The following MALRD1 variants were observed in gnomAD, a reference collection of about 807,000 sequenced individuals.
MALRD1 encodes the protein MAM and LDL-receptor class A domain-containing protein 1.
MALRD1 carries 247 observed loss-of-function variants against 242.1 expected under a neutral mutation model. The ratio of observed to expected loss-of-function variants is 1.02; its 90% confidence interval spans 0.92 to 1.13. The LOEUF is 1.13. Among genes scored for constraint, MALRD1 ranks in the 50% most tolerant of loss-of-function variants. MALRD1 has a pLI of 0.00. For synonymous variants in MALRD1, 995 were observed against 866.6 expected, an observed-to-expected ratio of 1.15 and a Z score of -2.60; for missense variants, 2,989 against 2,533.1, an observed-to-expected ratio of 1.18 and a Z score of -3.86.
intron 29 of MALRD1, among the ~76,000 whole-genome samples, chr10:19,453,094 A>T (rs1307661065): frequency 1.3e-5 from 2 of 152,230 alleles, no homozygotes; most frequent in African/African-American, 2.4e-5. Context: ...TATTATTAAC[A>T]TGCCATATTC....
chr10:19,632,220 G>C (rs535873925), intron 36 of MALRD1, among the ~76,000 whole-genome samples: 1 of 152,310 alleles, frequency 6.6e-6, no homozygotes, highest in African/African-American at 2.4e-5. Flanking sequence ...GAGCTTCAAA[G>C]AAAAATCTGT....
chr10:19,175,383 A>G (rs1010202192), intron 14 of MALRD1, 55 bp downstream of exon 14: 14 of 1,200,284 alleles, frequency 1.2e-5, no homozygotes, highest in Non-Finnish European at 1.3e-5. Context: ...AGCTCTTCTC[A>G]GTATCAAAAT....
intron 5 of MALRD1, among the ~76,000 whole-genome samples, chr10:19,105,374 A>G (rs1836428043): frequency 6.6e-6 from 1 of 152,014 alleles, no homozygotes; most frequent in South Asian, 2.1e-4. Flanking sequence ...AAAGAATCCT[A>G]TTGCATGTAT....
At chr10:19,634,234 A>T (rs1227680719) in intron 36 of MALRD1, among the ~76,000 whole-genome samples, 1 of 152,174 alleles carries the variant, frequency 6.6e-6, no homozygotes, top group Non-Finnish European at 1.5e-5. Context: ...CTGCTTTCCC[A>T]GACTCCAATG....
chr10:19,617,663 A>C (rs890834121), intron 36 of MALRD1, among the ~76,000 whole-genome samples: 6 of 152,004 alleles, frequency 3.9e-5, no homozygotes, highest in Non-Finnish European at 8.8e-5. Context: ...CCTACACTGT[A>C]GTAGTAAGGT....
chr10:19,438,605 C>T (rs2104910), intron 28 of MALRD1, among the ~76,000 whole-genome samples: 2 of 152,004 alleles, frequency 1.3e-5, no homozygotes, highest in East Asian at 1.9e-4. Context: ...CTGTACCATT[C>T]TACATTCTTA....
chr10:19,140,803 G>A (rs746480243), intron 10 of MALRD1, among the ~76,000 whole-genome samples: 9 of 152,060 alleles, frequency 5.9e-5, no homozygotes, highest in Non-Finnish European at 1.2e-4. Flanking sequence ...GCCGAAATGG[G>A]GAGGTATTGG....
rs532068703 is a variant in MALRD1 at position 19,175,226 on chromosome 10, G to C, written c.1849G>C (p.Val617Leu). Residue 617 changes from valine (V) to leucine (L), a missense_variant, in exon 14 of 40, where the codon GTT becomes CTT. Val to Leu is a conservative substitution (Grantham distance 32, BLOSUM62 1). Transcript: ENST00000454679. ...LPFQLILEAT[V>L]LSSNATVALD... ...ATTATAGTTAATTTTGGAAGCTACTGTTTTGTCGTCAAATGCTACCGTTGC... is the reference window on the plus strand; with the variant it reads ...ATTATAGTTAATTTTGGAAGCTACTCTTTTGTCGTCAAATGCTACCGTTGC... 5.7e-6 allele frequency: 7 copies of C among 1,229,770 alleles called. No homozygotes were observed. In the African/African-American group the frequency reaches 9.3e-5, roughly 16 times the overall value. 76.2% of individuals were successfully genotyped at this position (1,229,770 alleles called of 1,614,324 possible).
chr10:19,670,204 A>T (rs1841858163), intron 36 of MALRD1, among the ~76,000 whole-genome samples: 1 of 152,072 alleles, frequency 6.6e-6, no homozygotes, highest in South Asian at 2.1e-4. Context: ...AATTACTCCA[A>T]ATGTATGCTT....
At chr10:19,426,873 TA>T (rs990817460) in intron 28 of MALRD1, among the ~76,000 whole-genome samples, 1 of 152,132 alleles carries the variant, frequency 6.6e-6, no homozygotes, top group African/African-American at 2.4e-5. Flanking sequence ...ATTTTATATA[TA>T]TTTTTTTCCT....
chr10:19,621,620 C>A (rs1052008673), intron 36 of MALRD1, among the ~76,000 whole-genome samples: 1 of 150,762 alleles, frequency 6.6e-6, no homozygotes, highest in Admixed American at 6.6e-5. Context: ...GATTGGAGTC[C>A]CTAAAGAGGA....
chr10:19,164,546 G>A (rs1378255351), intron 12 of MALRD1, among the ~76,000 whole-genome samples: 1 of 152,104 alleles, frequency 6.6e-6, no homozygotes, highest in East Asian at 1.9e-4. Context: ...TACAGCCTTA[G>A]GACCTGTTAT....
intron 18 of MALRD1, among the ~76,000 whole-genome samples, chr10:19,246,647 A>C (rs551620107): frequency 4.6e-5 from 7 of 152,250 alleles, no homozygotes; most frequent in African/African-American, 1.7e-4. Flanking sequence ...CTTGTGACAG[A>C]TGAAGCTGAG....
chr10:19,634,260 AC>A (rs1840032636), intron 36 of MALRD1, among the ~76,000 whole-genome samples: 1 of 152,176 alleles, frequency 6.6e-6, no homozygotes. Flanking sequence ...TGAGCAGAAG[AC>A]ACTGGGACTG....
chr10:19,524,686 T>A (rs973886654), intron 31 of MALRD1, among the ~76,000 whole-genome samples: 14 of 151,622 alleles, frequency 9.2e-5, no homozygotes, highest in African/African-American at 2.9e-4. Flanking sequence ...ACAGCATTTT[T>A]AAAAACTATT....
chr10:19,423,262 G>C (rs919480789), intron 28 of MALRD1, among the ~76,000 whole-genome samples: 1 of 151,734 alleles, frequency 6.6e-6, no homozygotes, highest in East Asian at 1.9e-4. Context: ...AATCCTGTTT[G>C]CTCAGTTTGA....
intron 36 of MALRD1, among the ~76,000 whole-genome samples, chr10:19,668,662 G>A (rs1381437622): frequency 6.6e-6 from 1 of 152,018 alleles, no homozygotes; most frequent in East Asian, 1.9e-4. Flanking sequence ...CCTGGAGTCT[G>A]TGAAAAAGTA....
intron 18 of MALRD1, among the ~76,000 whole-genome samples, chr10:19,249,135 C>G (rs148387143): frequency 6.6e-6 from 1 of 150,860 alleles, no homozygotes; most frequent in East Asian, 2.0e-4. Context: ...ATTCATCTAA[C>G]AAATGAAATT....
chr10:19,567,278 G>A (rs988646051), intron 32 of MALRD1, among the ~76,000 whole-genome samples: 9 of 152,002 alleles, frequency 5.9e-5, no homozygotes, highest in East Asian at 3.9e-4. Flanking sequence ...CCAGTTTGAC[G>A]TACAGAAGTT....
Sources: gnomAD v4.1 joint callset for allele counts (sites outside exome capture counted in the v4.1 genomes callset) on GRCh38, gnomAD v4.1.1 for gene constraint, MANE v1.5 for transcripts, NCBI Gene and HGNC (gene_info 2026-07-23, HGNC 2026-07-21) for gene names.